The following COL23A1 variants were observed in gnomAD, a reference collection of about 807,000 sequenced individuals.
COL23A1 encodes the protein collagen alpha-1(XXIII) chain.
COL23A1 carries 97 observed loss-of-function variants against 99.3 expected under a neutral mutation model. That is an observed-to-expected ratio of 0.98 (90% CI 0.83 to 1.16). COL23A1 has a LOEUF of 1.16. Among genes scored for constraint, COL23A1 ranks in the 50% most tolerant of loss-of-function variants. The probability of loss-of-function intolerance (pLI) is 0.00; values close to 1 mark genes in which losing one functional copy is unlikely to be tolerated. For missense variants in COL23A1, 762 were observed against 757.4 expected (o/e 1.01, Z -0.07); for synonymous variants, 320 against 308.2 (o/e 1.04, Z -0.40).
chr5:178,475,251 TG>T (rs1304131480), intron 2 of COL23A1, among the ~76,000 whole-genome samples: 1 of 152,226 alleles, frequency 6.6e-6, no homozygotes, highest in Admixed American at 6.5e-5. Context: ...TTTTGGGATA[TG>T]TTAAATTTAA....
chr5:178,402,230 T>C (rs1227863448), intron 2 of COL23A1, among the ~76,000 whole-genome samples: 1 of 152,018 alleles, frequency 6.6e-6, no homozygotes, highest in Non-Finnish European at 1.5e-5. Flanking sequence ...GTGGCTCACA[T>C]CTATAGTCCT....
chr5:178,454,110 T>C (rs1039218559), intron 2 of COL23A1, among the ~76,000 whole-genome samples: 2 of 152,122 alleles, frequency 1.3e-5, no homozygotes, highest in Non-Finnish European at 2.9e-5. Context: ...ACACAACATA[T>C]GGACAGTTAA....
chr5:178,586,519 G>C (rs1295706736), intron 1 of COL23A1, among the ~76,000 whole-genome samples: 1 of 150,530 alleles, frequency 6.6e-6, no homozygotes, highest in Non-Finnish European at 1.5e-5. Context: ...AATCCAAAAT[G>C]ACAAAATATG....
intron 2 of COL23A1, among the ~76,000 whole-genome samples, chr5:178,389,598 C>T (rs1030129284): frequency 2.0e-5 from 3 of 152,218 alleles, no homozygotes; most frequent in Admixed American, 2.0e-4. Context: ...GACTTCCCTC[C>T]ACCCCCAAGT....
At chr5:178,531,145 G>A (rs143667445) in intron 2 of COL23A1, among the ~76,000 whole-genome samples, 1 of 152,336 alleles carries the variant, frequency 6.6e-6, no homozygotes, top group East Asian at 1.9e-4. Flanking sequence ...GGGATTACAG[G>A]TGTGAGCCAC....
intron 2 of COL23A1, among the ~76,000 whole-genome samples, chr5:178,555,258 C>T (rs1047140154): frequency 6.6e-6 from 1 of 152,184 alleles, no homozygotes; most frequent in Non-Finnish European, 1.5e-5. Flanking sequence ...TCTCCAAACA[C>T]AGTCCCATTC....
In COL23A1 at chr5:178,272,615, A is replaced by T. The variant is rs539314070; in HGVS notation, c.442-2252T>A. On this transcript the variant is annotated intron_variant, in intron 5 of 28. Transcript: ENST00000390654. ...CACAGGCATAGTTCTAGTCCTTGCC[A>T]TGAGCCTCCCAGGAGCTGCCCTAGC... 1.6e-4 allele frequency among the ~76,000 whole-genome samples: 25 copies of T among 152,204 alleles called. No homozygotes were observed. In the South Asian group the frequency reaches 2.5e-3, roughly 15 times the overall value.
intron 2 of COL23A1, among the ~76,000 whole-genome samples, chr5:178,391,930 G>T (rs533243459): frequency 6.6e-6 from 1 of 152,118 alleles, no homozygotes; most frequent in African/African-American, 2.4e-5. Flanking sequence ...GGATGAACAT[G>T]CAGGAATCTT....
intron 2 of COL23A1, among the ~76,000 whole-genome samples, chr5:178,315,116 C>A (rs996767115): frequency 2.6e-5 from 4 of 152,138 alleles, no homozygotes; most frequent in Non-Finnish European, 4.4e-5. Flanking sequence ...AAAATGCCTG[C>A]AGTTTCTGGG....
chr5:178,561,348 A>C (rs1251648547), intron 1 of COL23A1, among the ~76,000 whole-genome samples: 1 of 152,112 alleles, frequency 6.6e-6, no homozygotes, highest in Non-Finnish European at 1.5e-5. Flanking sequence ...GGTTCGGTAA[A>C]ATTTAACAAG....
chr5:178,390,335 C>T (rs1029560027), intron 2 of COL23A1, among the ~76,000 whole-genome samples: 1 of 152,204 alleles, frequency 6.6e-6, no homozygotes, highest in Non-Finnish European at 1.5e-5. Context: ...TGGAGGAGGA[C>T]AGCAGGGAGC....
chr5:178,458,860 A>C (rs991968380), intron 2 of COL23A1, among the ~76,000 whole-genome samples: 37 of 152,046 alleles, frequency 2.4e-4, no homozygotes, highest in Non-Finnish European at 8.8e-5. Context: ...TACCCCCAAA[A>C]CCAAACCTGA....
At chr5:178,344,091 A>G (rs1197150749) in intron 2 of COL23A1, among the ~76,000 whole-genome samples, 1 of 152,212 alleles carries the variant, frequency 6.6e-6, no homozygotes, top group Non-Finnish European at 1.5e-5. Flanking sequence ...GAACGTGTAG[A>G]AACTGGTTTT....
intron 2 of COL23A1, among the ~76,000 whole-genome samples, chr5:178,371,702 G>A (rs1561912888): frequency 6.6e-6 from 1 of 152,108 alleles, no homozygotes; most frequent in African/African-American, 2.4e-5. Flanking sequence ...CCCTGTCCGC[G>A]GTCCCTCTTC....
At chr5:178,254,625 C>G (rs1765208745) in intron 16 of COL23A1, among the ~76,000 whole-genome samples, 1 of 152,216 alleles carries the variant, frequency 6.6e-6, no homozygotes, top group South Asian at 2.1e-4. Flanking sequence ...CAGCCAGTGT[C>G]CTCTGGGAAG....
intron 2 of COL23A1, among the ~76,000 whole-genome samples, chr5:178,537,177 G>A (rs1761014160): frequency 6.6e-6 from 1 of 152,116 alleles, no homozygotes; most frequent in African/African-American, 2.4e-5. Flanking sequence ...AGGGAGAGGA[G>A]CACCCCTGAC....
At chr5:178,350,009 C>G (rs529772622) in intron 2 of COL23A1, among the ~76,000 whole-genome samples, 1 of 152,206 alleles carries the variant, frequency 6.6e-6, no homozygotes, top group Non-Finnish European at 1.5e-5. Flanking sequence ...AGTCTCCTGG[C>G]CTTCAAGGTC....
chr5:178,378,586 C>T (rs746024435), intron 2 of COL23A1, among the ~76,000 whole-genome samples: 6 of 152,122 alleles, frequency 3.9e-5, no homozygotes, highest in African/African-American at 7.2e-5. Context: ...GAGAAGGTGG[C>T]GTGGAGATGG....
intron 2 of COL23A1, among the ~76,000 whole-genome samples, chr5:178,426,352 C>CTCA (rs1162692708): frequency 2.6e-5 from 4 of 152,194 alleles, no homozygotes; most frequent in Admixed American, 6.5e-5. Flanking sequence ...TCTCCCCTTC[C>CTCA]TCATTAGATG....
Sources: gnomAD v4.1 joint callset for allele counts (sites outside exome capture counted in the v4.1 genomes callset) on GRCh38, gnomAD v4.1.1 for gene constraint, MANE v1.5 for transcripts, NCBI Gene and HGNC (gene_info 2026-07-23, HGNC 2026-07-21) for gene names.